ATP10A: variants seen among roughly 807,000 people sequenced by gnomAD.
ATP10A encodes the protein ATPase phospholipid transporting 10A (putative).
ATP10A carries 111 observed loss-of-function variants against 147.8 expected under a neutral mutation model. That is an observed-to-expected ratio of 0.75 (90% CI 0.64 to 0.88). The LOEUF (loss-of-function observed/expected upper bound fraction) is 0.88, where lower values mean the gene tolerates loss of function less well. Among genes scored for constraint, ATP10A ranks in the 40% least tolerant of loss-of-function variants. ATP10A has a pLI of 0.00. For missense variants in ATP10A, 1,927 were observed against 1,959.0 expected, an observed-to-expected ratio of 0.98 and a Z score of 0.31; for synonymous variants, 875 against 841.6, an observed-to-expected ratio of 1.04 and a Z score of -0.69.
downstream of ATP10A, among the ~76,000 whole-genome samples, chr15:25,676,032 T>C (rs539191201): frequency 6.6e-6 from 1 of 152,244 alleles, no homozygotes; most frequent in South Asian, 2.1e-4. Flanking sequence ...CAAAGTTGAT[T>C]TTGTGATCCA....
chr15:25,759,816 A>G (rs1461614010), intron 2 of ATP10A, among the ~76,000 whole-genome samples: 1 of 150,470 alleles, frequency 6.6e-6, no homozygotes, highest in African/African-American at 2.5e-5. Flanking sequence ...AAAAAAAAAA[A>G]TAGTGAAAAG....
intron 12 of ATP10A, among the ~76,000 whole-genome samples, chr15:25,705,441 A>T (rs1324584609): frequency 2.6e-5 from 1 of 38,540 alleles, no homozygotes; most frequent in African/African-American, 8.9e-5. Context: ...GTCTCAAAGC[A>T]AAAAAAAAAA....
At chr15:25,827,876 A>T (rs1473500427) in intron 1 of ATP10A, among the ~76,000 whole-genome samples, 1 of 152,246 alleles carries the variant, frequency 6.6e-6, no homozygotes, top group Non-Finnish European at 1.5e-5. Flanking sequence ...TTTAAAAAGC[A>T]CAATCCATCT....
intron 7 of ATP10A, among the ~76,000 whole-genome samples, chr15:25,719,220 C>A (rs1487326789): frequency 6.6e-6 from 1 of 152,134 alleles, no homozygotes; most frequent in Non-Finnish European, 1.5e-5. Flanking sequence ...GCAGCAGGGG[C>A]CTGTCAAGAG....
chr15:25,785,327 C>T (rs542606383), intron 1 of ATP10A, among the ~76,000 whole-genome samples: 5 of 152,222 alleles, frequency 3.3e-5, no homozygotes, highest in African/African-American at 1.2e-4. Context: ...CAGAGGCGTG[C>T]GCACACAGCT....
intron 2 of ATP10A, among the ~76,000 whole-genome samples, chr15:25,743,860 T>A (rs1183833379): frequency 6.6e-6 from 1 of 152,136 alleles, no homozygotes; most frequent in Non-Finnish European, 1.5e-5. Flanking sequence ...GTCATCAGTG[T>A]GCGGGGATTG....
chr15:25,844,778 C>T (rs1301033043), intron 1 of ATP10A, among the ~76,000 whole-genome samples: 1 of 152,170 alleles, frequency 6.6e-6, no homozygotes, highest in East Asian at 1.9e-4. Flanking sequence ...GACCCTGTGG[C>T]TTGCCGTCTG....
At chr15:25,765,184 G>A (rs376860122) in intron 2 of ATP10A, among the ~76,000 whole-genome samples, 85 of 152,266 alleles carry the variant, frequency 5.6e-4, no homozygotes, top group Middle Eastern at 6.8e-3. Flanking sequence ...GGGCGGGGGT[G>A]TTGTGTCTGC....
chr15:25,680,237 C>T lies in ATP10A; in HGVS notation c.3750G>A (p.Ala1250=), dbSNP rs149423703. Residue 1250 remains alanine, a synonymous_variant, in exon 20 of 21, where the codon GCG becomes GCA. Transcript: ENST00000555815. ...LFFTVALIYN[A]SCATCYPPSN... is the part of the protein sequence containing the mutation. ...ACGGAGGATAGCACGTGGCACAAGA[C>T]GCATTGTAAATCAAAGCCACGGTGA... 2.0e-5 allele frequency: 32 copies of T among 1,613,974 alleles called. No homozygotes were observed. In the Admixed American group the frequency reaches 2.7e-4, roughly 13 times the overall value.
At chr15:25,696,509 C>T (rs989357625) in intron 13 of ATP10A, among the ~76,000 whole-genome samples, 1 of 152,256 alleles carries the variant, frequency 6.6e-6, no homozygotes, top group Non-Finnish European at 1.5e-5. Flanking sequence ...GTTGCTCCCA[C>T]TGACTTCAGG....
intron 2 of ATP10A, among the ~76,000 whole-genome samples, chr15:25,752,623 T>G (rs1199278531): frequency 6.6e-6 from 1 of 152,198 alleles, no homozygotes; most frequent in Admixed American, 6.5e-5. Flanking sequence ...TTCTTCTCTT[T>G]CAAGATTGTT....
Position 25,679,680 on chromosome 15 carries a change from CCCCTCCAGCAGGGTGTGCT to C in ATP10A, c.4142_4160del (p.Glu1381GlyfsTer2), listed in dbSNP as rs1567293466. Reference sequence around the variant, plus strand: ...AGGACATGGGGGCCGGTGCGCTCAGCCCCTCCAGCAGGGTGTGCTCCCTCACTGGCATGCTCATGTCCAC... The same window carrying C: ...AGGACATGGGGGCCGGTGCGCTCAGCCCCTCACTGGCATGCTCATGTCCAC... On this transcript the variant is annotated frameshift_variant, in exon 21 of 21. Coordinates refer to ENST00000555815, the MANE Select transcript of ATP10A (RefSeq NM_024490.4). LOFTEE classifies it high-confidence loss of function. 1 of 1,613,174 alleles carries C rather than the reference CCCCTCCAGCAGGGTGTGCT, an allele frequency of 6.2e-7. No homozygotes were observed. The highest frequency in any genetic ancestry group is 1.7e-5 in the Admixed American group (1 of 60,028).
At chr15:25,722,375 C>T (rs1264835151) in intron 6 of ATP10A, among the ~76,000 whole-genome samples, 3 of 152,206 alleles carry the variant, frequency 2.0e-5, no homozygotes, top group African/African-American at 7.2e-5. Context: ...GCAAACACAA[C>T]AGACAGTCTT....
At chr15:25,677,085 C>T (rs112434767), downstream of ATP10A, among the ~76,000 whole-genome samples, 459 of 152,116 alleles carry the variant, frequency 3.0e-3, 1 homozygote, top group Non-Finnish European at 5.3e-3. Flanking sequence ...TTGATTTTGA[C>T]TTTGAGCTGG....
Position 25,714,013 on chromosome 15 carries a change from C to T in ATP10A, c.2005G>A (p.Gly669Ser), listed in dbSNP as rs779668665. 12 of 1,610,380 alleles carry T rather than the reference C, an allele frequency of 7.5e-6. No individual in the cohort carries two copies. The highest frequency in any genetic ancestry group is 2.2e-5 in the South Asian group (2 of 91,074). ...GQPTSAIASNGYSSQADNWAS... is the reference protein window; with the variant it reads ...GQPTSAIASNSYSSQADNWAS... ...CAGTTGTCCGCCTGGCTGCTGTAGC[C>T]GTTGCTGGCGATGGCCGAGGTGGGC... Residue 669 changes from glycine to serine, a missense_variant, in exon 10 of 21, where the codon GGC becomes AGC. By Grantham distance (56) the Gly-to-Ser change is moderately conservative (BLOSUM62 0). Coordinates refer to ENST00000555815, the MANE Select transcript of ATP10A (RefSeq NM_024490.4).
rs1264696659 is a variant in ATP10A, at chr15:25,726,096, C to G, written c.848-14G>C. The G allele has an allele frequency of 1.9e-6, 3 of 1,611,640 alleles. No individual in the cohort carries two copies. The highest frequency in any genetic ancestry group is 2.5e-6 in the Non-Finnish European group (3 of 1,178,382). ...TGGTTTCATGTCCTGTCGGGGAGGACAAAGAGACATGGCAAGTCAGAGACT... is the reference window on the plus strand; with the variant it reads ...TGGTTTCATGTCCTGTCGGGGAGGAGAAAGAGACATGGCAAGTCAGAGACT... On this transcript the variant is annotated splice_polypyrimidine_tract_variant and intron_variant, in intron 4 of 20. Coordinates refer to ENST00000555815, the MANE Select transcript of ATP10A (RefSeq NM_024490.4).
At chr15:25,814,779 C>T (rs148058245) in intron 1 of ATP10A, among the ~76,000 whole-genome samples, 56 of 152,184 alleles carry the variant, frequency 3.7e-4, no homozygotes, top group Middle Eastern at 6.8e-3. Context: ...AGTCATTTGG[C>T]GTATAAAAAG....
intron 16 of ATP10A, among the ~76,000 whole-genome samples, chr15:25,685,393 A>G (rs1178741884): frequency 1.3e-5 from 2 of 152,196 alleles, no homozygotes; most frequent in Admixed American, 1.3e-4. Flanking sequence ...TGCCCGTTCC[A>G]GGTGACCACT....
intron 7 of ATP10A, among the ~76,000 whole-genome samples, chr15:25,720,900 T>C (rs1902174305): frequency 6.6e-6 from 1 of 152,222 alleles, no homozygotes; most frequent in East Asian, 1.9e-4. Context: ...GCGTTCCCTC[T>C]GTCCGGTTTT....
Sources: allele counts gnomAD v4.1 joint callset (sites outside exome capture counted in the v4.1 genomes callset), GRCh38; gene constraint gnomAD v4.1.1; transcripts MANE v1.5; gene names NCBI Gene and HGNC (gene_info 2026-07-23, HGNC 2026-07-21).